SYNE1: variants seen among roughly 807,000 people sequenced by gnomAD.
SYNE1 encodes nesprin-1.
Under a neutral mutation model 1,111.0 loss-of-function variants are expected in SYNE1, and 616 were observed. The ratio of observed to expected loss-of-function variants is 0.55; its 90% confidence interval spans 0.52 to 0.59. SYNE1 has a LOEUF of 0.59. SYNE1 is among the 20% of genes least tolerant of loss of function. The pLI is 0.00. For synonymous variants in SYNE1, 3,855 were observed against 3,825.8 expected, an observed-to-expected ratio of 1.01 and a Z score of -0.28; for missense variants, 10,006 against 10,417.0, an observed-to-expected ratio of 0.96 and a Z score of 1.72.
At chr6:152,327,018 C>T (rs552557122) in intron 78 of SYNE1, among the ~76,000 whole-genome samples, 13 of 152,252 alleles carry the variant, frequency 8.5e-5, no homozygotes, top group South Asian at 2.1e-4. Context: ...CACGGCCAGG[C>T]GTGCTGGCTC....
chr6:152,205,721 A>G (rs1375759431), intron 126 of SYNE1, among the ~76,000 whole-genome samples: 1 of 152,214 alleles, frequency 6.6e-6, no homozygotes, highest in Admixed American at 6.5e-5. Context: ...TCTCATGGCA[A>G]CTTGCTTGGA....
intron 3 of SYNE1, among the ~76,000 whole-genome samples, chr6:152,584,670 T>TG (rs1368323921): frequency 6.6e-6 from 1 of 152,216 alleles, no homozygotes; most frequent in African/African-American, 2.4e-5. Context: ...CTCAAAATGC[T>TG]GGGGTTACAG....
intron 93 of SYNE1, among the ~76,000 whole-genome samples, chr6:152,300,159 A>T (rs972706234): frequency 2.0e-5 from 3 of 152,372 alleles, no homozygotes; most frequent in South Asian, 2.1e-4. Context: ...AATATGGCAG[A>T]CATTCCTTAC....
At chr6:152,131,427 A>C (rs1398682317) in intron 144 of SYNE1, among the ~76,000 whole-genome samples, 1 of 152,160 alleles carries the variant, frequency 6.6e-6, no homozygotes, top group African/African-American at 2.4e-5. Flanking sequence ...AACTTCTAAA[A>C]ACTAAGGAAA....
At position 152,443,455 on chromosome 6, in the gene SYNE1, G is replaced by A. The variant is rs534493803; in HGVS notation, c.3837+956C>T. On this transcript the variant is annotated intron_variant, in intron 30 of 145. Coordinates refer to ENST00000367255, the MANE Select transcript of SYNE1 (RefSeq NM_182961.4). ...AATTTTTTGTATATTTAGTAGAGAC[G>A]GGGTTTCACCACGTTAGCCAGGATG... 9.9e-5 allele frequency among the ~76,000 whole-genome samples: 15 copies of A among 152,172 alleles called. No homozygotes were observed. The East Asian group carries it at 1.5e-3, about 16-fold the overall frequency.
Position 152,310,985 on chromosome 6 carries a change from G to C in SYNE1, c.16711-112C>G, listed in dbSNP as rs1029253496. The C allele has an allele frequency of 2.0e-5, 23 of 1,127,918 alleles. No individual in the cohort carries two copies. The African/African-American group carries it at 2.3e-4, about 11-fold the overall frequency. 69.9% of individuals were successfully genotyped at this position (1,127,918 alleles called of 1,614,324 possible). A position where few individuals can be genotyped will look rare whatever the true frequency, so the allele number is the denominator to read the frequency against. On this transcript the variant is annotated intron_variant, in intron 87 of 145. Transcript: ENST00000367255. ...GTAAGTTCTGTGTGTCCGTTATTGT[G>C]TTTAACCTTCACCCCCCATGACCAC...
intron 3 of SYNE1, among the ~76,000 whole-genome samples, chr6:152,585,985 C>T (rs1723977229): frequency 6.6e-6 from 1 of 152,024 alleles, no homozygotes; most frequent in South Asian, 2.1e-4. Context: ...AAGTCAGCTC[C>T]TTTCCTCTGC....
chr6:152,416,969 A>T lies in SYNE1; in HGVS notation c.5468T>A (p.Leu1823Gln). 1 of 1,614,226 alleles carries T rather than the reference A, an allele frequency of 6.2e-7. No individual in the cohort carries two copies. The highest frequency in any genetic ancestry group is 8.5e-7 in the Non-Finnish European group (1 of 1,180,034). Residue 1823 changes from leucine (L) to glutamine (Q), a missense_variant, in exon 41 of 146, where the codon CTG becomes CAG. Coordinates refer to ENST00000367255, the MANE Select transcript of SYNE1 (RefSeq NM_182961.4). ...VESKKGELQSLQGHLAKLGSL... is the reference protein window; with the variant it reads ...VESKKGELQSQQGHLAKLGSL... Reference sequence around the variant, plus strand: ...ACCCAACTTTGCTAAGTGACCCTGCAGACTCTGCAATTCGCCCTTTTTGCT... The same window carrying T: ...ACCCAACTTTGCTAAGTGACCCTGCTGACTCTGCAATTCGCCCTTTTTGCT...
chr6:152,457,915 T>A lies in SYNE1; in HGVS notation c.2568+842A>T, dbSNP rs143724592. On this transcript the variant is annotated intron_variant, in intron 22 of 145. Transcript: ENST00000367255. ...TCAATATAAGAAGGAAAATATTATATCTGTATATATAATACAAATATTTAT... is the reference window on the plus strand; with the variant it reads ...TCAATATAAGAAGGAAAATATTATAACTGTATATATAATACAAATATTTAT... Among the ~76,000 whole-genome samples, 1,266 of 150,824 alleles carry A rather than the reference T, an allele frequency of 8.4e-3. 17 individuals are homozygous for A. Among genetic ancestry groups the A allele is most frequent in the African/African-American group, 0.029 (1,195 of 41,330 alleles).
intron 56 of SYNE1, chr6:152,380,679 T>G: frequency 2.8e-6 from 1 of 354,076 alleles, no homozygotes. Flanking sequence ...CTCTGTCTAT[T>G]TATGCCCCTG....
Position 152,441,202 on chromosome 6 carries a change from T to C in SYNE1, c.4077A>G (p.Thr1359=), listed in dbSNP as rs2098527028. ...TCAAGAAGCGTTCATGACTGGAACC[T>C]GTTTGAAAAAGGTATCTTACTACTG... ...KETVVRYLFQ[T]GSSHERFLSF... Residue 1359 remains threonine, a synonymous_variant, in exon 32 of 146, where the codon ACA becomes ACG. Coordinates refer to ENST00000367255, the MANE Select transcript of SYNE1 (RefSeq NM_182961.4). 1 of 1,613,198 alleles carries C rather than the reference T, an allele frequency of 6.2e-7. No individual in the cohort carries two copies. The highest frequency in any genetic ancestry group is 2.2e-5 in the East Asian group (1 of 44,792).
In SYNE1 at chr6:152,151,586, C is replaced by G. The variant is rs764377757; in HGVS notation, c.24417G>C (p.Glu8139Asp). Residue 8139 changes from glutamate (E) to aspartate (D), a missense_variant, in exon 135 of 146, where the codon GAG (glutamate) becomes GAC (aspartate). Glu to Asp is a conservative substitution (Grantham distance 45). This residue lies in a region of SYNE1 where 34 missense variants were observed against 68.3 expected (regional missense o/e 0.50). Coordinates refer to ENST00000367255, the MANE Select transcript of SYNE1 (RefSeq NM_182961.4). ...GCTTTATTTTAGCTTGAACATCACA[C>G]TCAGAAAAATGTTCAATATTAGTGA... Reference protein sequence around the residue: ...LQLTNIEHFSECDVQAKIKQL... With the variant: ...LQLTNIEHFSDCDVQAKIKQL... The G allele has an allele frequency of 1.2e-6, 2 of 1,614,096 alleles. No homozygotes were observed. Among genetic ancestry groups the G allele is most frequent in the Non-Finnish European group, 8.5e-7 (1 of 1,180,010 alleles).
intron 145 of SYNE1, among the ~76,000 whole-genome samples, chr6:152,129,940 TC>T (rs2054952903): frequency 6.6e-6 from 1 of 152,076 alleles, no homozygotes; most frequent in Admixed American, 6.5e-5. Context: ...CTTGAACTGA[TC>T]AGTGGAGGAG....
At position 152,436,394 on chromosome 6, in the gene SYNE1, T is replaced by A. The variant is rs77463454; in HGVS notation, c.4150-293A>T. Among the ~76,000 whole-genome samples, 3,641 of 152,152 alleles carry A rather than the reference T, an allele frequency of 0.024. 176 individuals carry two copies. The highest frequency in any genetic ancestry group is 0.083 in the African/African-American group (3,456 of 41,492). On this transcript the variant is annotated intron_variant, in intron 32 of 145. Coordinates refer to ENST00000367255, the MANE Select transcript of SYNE1 (RefSeq NM_182961.4). ...ATGGCTCACTGCAGCTTCCAACTCCTGGGTTTATATGATTTTCCTACCTCA... is the reference window on the plus strand; with the variant it reads ...ATGGCTCACTGCAGCTTCCAACTCCAGGGTTTATATGATTTTCCTACCTCA...
intron 21 of SYNE1, 148 bp downstream of exon 21, chr6:152,461,449 G>C: frequency 1.0e-6 from 1 of 960,214 alleles, no homozygotes; most frequent in Non-Finnish European, 1.6e-6. Context: ...TTTAATTCAT[G>C]ACAAAGTTAC....
chr6:152,140,927 C>T (rs1362544414), intron 139 of SYNE1, among the ~76,000 whole-genome samples: 11 of 151,862 alleles, frequency 7.2e-5, no homozygotes, highest in South Asian at 4.2e-4. Context: ...CCCAGCTACT[C>T]GGGAGGCTGA....
chr6:152,208,171 T>TTAC lies in SYNE1; in HGVS notation c.22622_22624dup (p.Ser7541dup), dbSNP rs762081435. The TTAC allele has an allele frequency of 3.7e-6, 6 of 1,614,108 alleles. No individual in the cohort carries two copies. On this transcript the variant is annotated inframe_insertion, in exon 125 of 146. Transcript: ENST00000367255. ...CCTGCGAATCACTCCCTGCCATTGA[T>TTAC]TACTGAGGAGTGTCAATTTCAGGTT...
At chr6:152,358,628 G>C (rs2096879821) in intron 65 of SYNE1, 91 bp from the exon 66 acceptor site, 1 of 1,302,250 alleles carries the variant, frequency 7.7e-7, no homozygotes, top group African/African-American at 1.5e-5. Flanking sequence ...TTTTAGAAAA[G>C]TATAATTATT....
rs563023683 is a variant in SYNE1, at chr6:152,439,047, A to G, written c.4149+2083T>C. 1.4e-4 allele frequency among the ~76,000 whole-genome samples: 22 copies of G among 152,354 alleles called. No individual in the cohort carries two copies. The South Asian group carries it at 4.6e-3, about 32-fold the overall frequency. On this transcript the variant is annotated intron_variant, in intron 32 of 145. Coordinates refer to ENST00000367255, the MANE Select transcript of SYNE1 (RefSeq NM_182961.4). ...CCTTCCTCATATAACACGATTGATA[A>G]TGATACCTATTTCTTAGGACTGTTT...
Sources: gnomAD v4.1 joint callset for allele counts (sites outside exome capture counted in the v4.1 genomes callset) on GRCh38, gnomAD v4.1.1 for gene constraint, gnomAD v4.1.1 regional missense constraint, MANE v1.5 for transcripts, NCBI Gene and HGNC (gene_info 2026-07-23, HGNC 2026-07-21) for gene names.